Variants in WDR36 observed in about 807,000 individuals in gnomAD.
WDR36 encodes WD repeat-containing protein 36.
WDR36 carries 63 observed loss-of-function variants against 112.7 expected under a neutral mutation model. The ratio of observed to expected loss-of-function variants is 0.56; its 90% CI spans 0.46 to 0.69. The LOEUF is 0.69. Among genes scored for constraint, WDR36 ranks in the 30% least tolerant of loss-of-function variants. The pLI is 0.00. For missense variants in WDR36, 1,226 were observed against 1,070.3 expected (o/e 1.15, Z -2.03); for synonymous variants, 410 against 362.2 (o/e 1.13, Z -1.50).
At chr5:111,097,254 C>T in intron 3 of WDR36, 75 bp downstream of exon 3, 1 of 1,042,702 alleles carries the variant, frequency 9.6e-7, no homozygotes, top group Non-Finnish European at 1.5e-6. Context: ...TTAATTTTGT[C>T]ATTCTTTACC....
At chr5:111,108,067 A>G (rs759151933) in intron 12 of WDR36, among the ~76,000 whole-genome samples, 3 of 151,276 alleles carry the variant, frequency 2.0e-5, no homozygotes, top group Non-Finnish European at 3.0e-5. Flanking sequence ...GATTTTATAG[A>G]TCAGTTTGAG....
chr5:111,106,159 C>G lies in WDR36; in HGVS notation c.1180+16C>G, dbSNP rs1455576469. 3 of 1,599,702 alleles carry G rather than the reference C, an allele frequency of 1.9e-6. No individual in the cohort carries two copies. In the Admixed American group the frequency reaches 5.0e-5, roughly 27 times the overall value. On this transcript the variant is annotated intron_variant, in intron 11 of 22. Transcript: ENST00000513710. ...TTTGCAGCAGGTAAGTAACTTCAAA[C>G]TGTGTTTTGAGAAGTTCTCCTTTGT...
intron 18 of WDR36, 140 bp downstream of exon 18, chr5:111,120,733 GA>G (rs1246622684): frequency 1.3e-6 from 1 of 790,744 alleles, no homozygotes; most frequent in Non-Finnish European, 2.1e-6. Flanking sequence ...ATGACTTCAT[GA>G]ATTTATGCAA....
Position 111,103,849 on chromosome 5 carries a change from A to C in WDR36, c.661A>C (p.Lys221Gln), listed in dbSNP as rs897690161. 1 of 1,611,364 alleles carries C rather than the reference A, an allele frequency of 6.2e-7. No individual in the cohort carries two copies. The highest frequency in any genetic ancestry group is 1.3e-5 in the African/African-American group (1 of 74,754). The change falls in exon 7 of 23, where the codon AAA (lysine) becomes CAA (glutamine). Residue 221 changes from lysine (K) to glutamine (Q), a missense_variant. Lys to Gln is a moderately conservative substitution (Grantham distance 53). Transcript: ENST00000513710. ...MSGQVIIHNIKFNETLMKFRQ... is the reference protein window; with the variant it reads ...MSGQVIIHNIQFNETLMKFRQ... The stretch of plus-strand genomic sequence containing the variant: ...AGGTCAAGTTATCATTCACAACATT[A>C]AATTTAATGAAACATTAATGAAGTT...
At chr5:111,094,500 T>C (rs191984990) in intron 1 of WDR36, among the ~76,000 whole-genome samples, 4 of 151,736 alleles carry the variant, frequency 2.6e-5, no homozygotes, top group Admixed American at 6.6e-5. Flanking sequence ...AGGCTGGGGG[T>C]AGGGAGAAGG....
At chr5:111,108,602 A>G (rs1232551291) in intron 12 of WDR36, among the ~76,000 whole-genome samples, 1 of 151,404 alleles carries the variant, frequency 6.6e-6, no homozygotes, top group Non-Finnish European at 1.5e-5. Context: ...AGTAGTGGTA[A>G]TTATAATCAC....
rs372789110 is a variant in WDR36, at chr5:111,104,814, G to A, written c.1024G>A (p.Ala342Thr). Residue 342 changes from alanine to threonine, a missense_variant, in exon 9 of 23, where the codon GCA (alanine) becomes ACA (threonine). Ala to Thr is a moderately conservative substitution (Grantham distance 58). Coordinates refer to ENST00000513710, the MANE Select transcript of WDR36 (RefSeq NM_139281.3). ...YGQNGQQILS[A>T]SQDGTLQSFS... is the part of the protein sequence containing the mutation. The stretch of plus-strand genomic sequence containing the variant: ...ACAGAATGGACAGCAGATTCTAAGT[G>A]CAAGTGAGCTTCTGCTTCATACTAT... The A allele has an allele frequency of 1.2e-6, 2 of 1,610,760 alleles. No individual in the cohort carries two copies. Among genetic ancestry groups the A allele is most frequent in the Non-Finnish European group, 8.5e-7 (1 of 1,177,598 alleles).
At chr5:111,112,921 T>G (rs1281911865) in intron 15 of WDR36, among the ~76,000 whole-genome samples, 153 bp from the exon 16 acceptor site, 2 of 150,312 alleles carry the variant, frequency 1.3e-5, no homozygotes, top group Non-Finnish European at 3.0e-5. Flanking sequence ...TTAGTCAAAT[T>G]AATTTTTTTA....
At chr5:111,104,531 A>G (rs1160195910) in intron 8 of WDR36, among the ~76,000 whole-genome samples, 166 bp from the exon 9 acceptor site, 1 of 151,704 alleles carries the variant, frequency 6.6e-6, no homozygotes, top group Non-Finnish European at 1.5e-5. Context: ...GCGGGAAAGA[A>G]TTACAGTTTA....
rs1432210379 is a variant in WDR36 at position 111,127,918 on chromosome 5, GTTTTGTTTT to G, written c.*1040_*1048del. On this transcript the variant is annotated 3_prime_UTR_variant, in exon 23 of 23. Coordinates refer to ENST00000513710, the MANE Select transcript of WDR36 (RefSeq NM_139281.3). ...GCCAGGGTTTTTTTTATTTTGTTTTGTTTTGTTTTTTTTTTTTTTTTTTTGGCTACACTT... is the reference window on the plus strand; with the variant it reads ...GCCAGGGTTTTTTTTATTTTGTTTTGTTTTTTTTTTTTTTTGGCTACACTT... 3.4e-5 allele frequency: 6 copies of G among 175,542 alleles called. No individual in the cohort carries two copies. Among genetic ancestry groups the G allele is most frequent in the South Asian group, 2.1e-4 (1 of 4,858 alleles). 10.9% of individuals were successfully genotyped at this position (175,542 alleles called of 1,614,324 possible). A position where few individuals can be genotyped will look rare whatever the true frequency, so the allele number is the denominator to read the frequency against.
At position 111,098,827 on chromosome 5, in the gene WDR36, A is replaced by T; in HGVS notation, c.397A>T (p.Ile133Leu). The T allele has an allele frequency of 6.3e-7, 1 of 1,596,518 alleles. No individual in the cohort carries two copies. The highest frequency in any genetic ancestry group is 8.6e-7 in the Non-Finnish European group (1 of 1,164,220). ...DTDGILIIWH[I>L]YSEEEYLQLT... ...TGATGGCATTCTTATTATTTGGCAC[A>T]TATATTCAGAAGGTAAGAGTTAACT... is the stretch of plus-strand genomic sequence containing the variant. The change falls in exon 4 of 23, where the codon ATA (isoleucine) becomes TTA (leucine). Residue 133 changes from isoleucine to leucine, a missense_variant. Transcript: ENST00000513710.
chr5:111,114,244 A>C (rs764312883), intron 16 of WDR36, among the ~76,000 whole-genome samples: 1 of 152,194 alleles, frequency 6.6e-6, no homozygotes, highest in Non-Finnish European at 1.5e-5. Context: ...GTATGAAGAA[A>C]GGAAGAATTG....
At position 111,113,124 on chromosome 5, in the gene WDR36, T is replaced by A. The variant is rs752964802; in HGVS notation, c.1767T>A (p.Ser589=). ...TAATAAGTGCTGCGATGGATTGCTCTATTAGGACTTGGGACCTTCCTTCTG... is the reference window on the plus strand; with the variant it reads ...TAATAAGTGCTGCGATGGATTGCTCAATTAGGACTTGGGACCTTCCTTCTG... The part of the protein sequence containing the change: ...RWLISAAMDC[S]IRTWDLPSGC... The change falls in exon 16 of 23, where the codon TCT becomes TCA. Residue 589 remains serine (S), a synonymous_variant. Transcript: ENST00000513710. The A allele has an allele frequency of 6.3e-7, 1 of 1,592,014 alleles. No homozygotes were observed. Among genetic ancestry groups the A allele is most frequent in the Non-Finnish European group, 8.6e-7 (1 of 1,166,586 alleles).
rs1187373679 is a variant in WDR36, at chr5:111,110,273, A to G, written c.1411A>G (p.Ile471Val). ...TVDVYNMQSG[I>V]HRGSFGKDQA... Reference sequence around the variant, plus strand: ...AGATGTATATAACATGCAGTCTGGCATACATCGAGGAAGTTTTGGCAAGGA... The same window carrying G: ...AGATGTATATAACATGCAGTCTGGCGTACATCGAGGAAGTTTTGGCAAGGA... Residue 471 changes from isoleucine (I) to valine (V), a missense_variant, in exon 13 of 23, where the codon ATA becomes GTA. Physicochemically the swap from Ile to Val is conservative, Grantham distance 29. Coordinates refer to ENST00000513710, the MANE Select transcript of WDR36 (RefSeq NM_139281.3). 1.9e-6 allele frequency: 3 copies of G among 1,610,830 alleles called. No homozygotes were observed. The South Asian group carries it at 3.3e-5, about 18-fold the overall frequency.
chr5:111,106,013 G>C (rs746037262), intron 10 of WDR36, 44 bp from the exon 11 acceptor site: 2 of 1,432,224 alleles, frequency 1.4e-6, no homozygotes, highest in Non-Finnish European at 2.0e-6. Flanking sequence ...TTTTTATTAA[G>C]AAGGATTCAT....
Position 111,110,940 on chromosome 5 carries a change from C to T in WDR36, c.1594C>T (p.Leu532=). The T allele has an allele frequency of 3.7e-6, 6 of 1,611,090 alleles. No homozygotes were observed. The highest frequency in any genetic ancestry group is 5.1e-6 in the Non-Finnish European group (6 of 1,178,308). ...CAGTTCATCTCCAAATATCATGTTG[C>T]TACATAGGGACAGGTAAACTTTTAA... ...SLSSSPNIML[L]HRDSGILGLA... The change falls in exon 14 of 23, where the codon CTA becomes TTA. Residue 532 remains leucine, a synonymous_variant. Transcript: ENST00000513710.
chr5:111,096,946 A>G (rs185176686), intron 2 of WDR36, 133 bp from the exon 3 acceptor site: 11 of 640,774 alleles, frequency 1.7e-5, no homozygotes, highest in African/African-American at 1.7e-4. Context: ...AATTTTATAC[A>G]CTGATTCTCA....
intron 7 of WDR36, 22 bp downstream of exon 7, chr5:111,103,940 G>T (rs1193814993): frequency 6.2e-7 from 1 of 1,609,520 alleles, no homozygotes; most frequent in Non-Finnish European, 8.5e-7. Flanking sequence ...CATACTTATT[G>T]ATAGGAGTTA....
rs1753330775 is a variant in WDR36, at chr5:111,111,187, C to T, written c.1625C>T (p.Ala542Val). ...LHRDSGILGL[A>V]LDDFSISVLD... ...CTTGCTAGTGGCATTCTGGGACTCG[C>T]CTTGGATGACTTCTCCATTAGTGTT... The change falls in exon 15 of 23, where the codon GCC becomes GTC. Residue 542 changes from alanine to valine, a missense_variant. By Grantham distance (64) the Ala-to-Val change is moderately conservative (BLOSUM62 0). Coordinates refer to ENST00000513710, the MANE Select transcript of WDR36 (RefSeq NM_139281.3). 2 of 1,611,752 alleles carry T rather than the reference C, an allele frequency of 1.2e-6. No individual in the cohort carries two copies. Among genetic ancestry groups the T allele is most frequent in the African/African-American group, 1.3e-5 (1 of 74,862 alleles).
Sources: allele counts gnomAD v4.1 joint callset (sites outside exome capture counted in the v4.1 genomes callset), GRCh38; gene constraint gnomAD v4.1.1; transcripts MANE v1.5; gene names NCBI Gene and HGNC (gene_info 2026-07-23, HGNC 2026-07-21).